The following DUS2 variants were observed in gnomAD, a reference collection of about 807,000 sequenced individuals.
DUS2 encodes the protein tRNA-dihydrouridine(20) synthase [NAD(P)+]-like.
In DUS2, 52 loss-of-function variants were observed where a neutral mutation model predicts 71.3. That is an observed-to-expected ratio of 0.73 (90% confidence interval 0.58 to 0.92). DUS2 has a LOEUF of 0.92. Ranked by LOEUF, DUS2 falls within the 40% of genes least tolerant of loss-of-function variation. DUS2 has a pLI of 0.00. For missense variants in DUS2, 558 were observed against 622.6 expected, an observed-to-expected ratio of 0.90 and a Z score of 1.10; for synonymous variants, 204 against 227.8, an observed-to-expected ratio of 0.90 and a Z score of 0.94.
At chr16:68,061,322 TCCTAAAAAG>T (rs2033937420) in intron 8 of DUS2, among the ~76,000 whole-genome samples, 4 of 152,110 alleles carry the variant, frequency 2.6e-5, no homozygotes. Flanking sequence ...GCCTTGATGT[TCCTAAAAAG>T]CCCAGAGCAA....
At position 68,059,388 on chromosome 16, in the gene DUS2, T is replaced by C. The variant is rs115337200; in HGVS notation, c.370-1678T>C. Among the ~76,000 whole-genome samples, 771 of 152,282 alleles carry C rather than the reference T, an allele frequency of 5.1e-3. 8 individuals are homozygous for C. Among genetic ancestry groups the C allele is most frequent in the African/African-American group, 0.017 (703 of 41,540 alleles). On this transcript the variant is annotated intron_variant, in intron 7 of 16. Transcript: ENST00000565263. ...AAGGAAATTCCATTGTTGAGAAAGC[T>C]ATTATTGTGGAAGGGGCAGTGAAAC...
rs375818386 is a variant in DUS2, at chr16:68,076,738, C to A, written c.1170+19C>A. On this transcript the variant is annotated intron_variant, in intron 15 of 16. Coordinates refer to ENST00000565263, the MANE Select transcript of DUS2 (RefSeq NM_017803.5). Reference sequence around the variant, plus strand: ...TGAAACGGTGAGTTCCTGGCTGTGGCCTGCCCTGCAGCCAGTCACAGCACT... The same window carrying A: ...TGAAACGGTGAGTTCCTGGCTGTGGACTGCCCTGCAGCCAGTCACAGCACT... 1.3e-5 allele frequency: 21 copies of A among 1,602,356 alleles called. No individual in the cohort carries two copies. The highest frequency in any genetic ancestry group is 1.6e-5 in the Non-Finnish European group (19 of 1,169,818).
chr16:68,049,468 G>A (rs192555044), intron 3 of DUS2, 37 bp from the exon 4 acceptor site: 3 of 1,611,838 alleles, frequency 1.9e-6, no homozygotes, highest in Non-Finnish European at 2.5e-6. Flanking sequence ...GAGCCTACAT[G>A]TTCAGGAATG....
Position 68,050,313 on chromosome 16 carries a change from T to A in DUS2, c.172+763T>A, listed in dbSNP as rs2033760830. Among the ~76,000 whole-genome samples the A allele has an allele frequency of 3.9e-5, 6 of 152,210 alleles. No homozygotes were observed. The South Asian group carries it at 1.2e-3, about 32-fold the overall frequency. On this transcript the variant is annotated intron_variant, in intron 4 of 16. Coordinates refer to ENST00000565263, the MANE Select transcript of DUS2 (RefSeq NM_017803.5). ...CCACCACACCCGGCTAATTTTTGTATTTTTAGTAGAGAAGGGGTTTCACCA... is the reference window on the plus strand; with the variant it reads ...CCACCACACCCGGCTAATTTTTGTAATTTTAGTAGAGAAGGGGTTTCACCA...
intron 7 of DUS2, among the ~76,000 whole-genome samples, chr16:68,060,513 C>T (rs2033924393): frequency 6.6e-6 from 1 of 152,082 alleles, no homozygotes; most frequent in Non-Finnish European, 1.5e-5. Flanking sequence ...TGGATTTCAC[C>T]ATGTTAGCCA....
intron 7 of DUS2, among the ~76,000 whole-genome samples, chr16:68,056,834 TTATA>T (rs953426655): frequency 6.2e-5 from 9 of 145,608 alleles, no homozygotes; most frequent in African/African-American, 2.3e-4. Context: ...ATATATAATG[TTATA>T]TATTATATAA....
At chr16:68,054,006 G>T in intron 5 of DUS2, 1 of 217,850 alleles carries the variant, frequency 4.6e-6, no homozygotes, top group Non-Finnish European at 9.2e-6. Context: ...ATTTCTCATA[G>T]AAAAATATTA....
intron 8 of DUS2, among the ~76,000 whole-genome samples, chr16:68,065,770 C>T (rs996765422): frequency 2.6e-5 from 4 of 152,154 alleles, no homozygotes; most frequent in African/African-American, 9.6e-5. Context: ...TAAACCACCA[C>T]ACCCAGTTAG....
intron 8 of DUS2, among the ~76,000 whole-genome samples, chr16:68,066,084 T>G (rs147771648): frequency 1.3e-5 from 2 of 152,346 alleles, no homozygotes; most frequent in African/African-American, 4.8e-5. Flanking sequence ...GACAAATATG[T>G]GTATACCACT....
intron 13 of DUS2, 106 bp from the exon 14 acceptor site, chr16:68,075,249 T>G: frequency 9.1e-7 from 1 of 1,104,428 alleles, no homozygotes; most frequent in Non-Finnish European, 1.2e-6. Context: ...GGTGTTTTGG[T>G]GTATGTGGTA....
At chr16:68,040,159 A>C (rs2033602062) in intron 3 of DUS2, among the ~76,000 whole-genome samples, 1 of 150,242 alleles carries the variant, frequency 6.7e-6, no homozygotes, top group African/African-American at 2.5e-5. Context: ...GTCTTGGCTC[A>C]CTGCAACCTC....
Position 68,038,069 on chromosome 16 carries a change from C to T in DUS2, c.46C>T (p.Leu16=). ...TCTGTGTTACCATAATAAGCTAATC[C>T]TGGCCCCAATGGTTCGGGTAGGGAC... ...LSLCYHNKLI[L]APMVRVGTLP... is the part of the protein sequence containing the mutation. Residue 16 remains leucine, a synonymous_variant, in exon 3 of 17, where the codon CTG becomes TTG. Transcript: ENST00000565263. 1 of 1,613,858 alleles carries T rather than the reference C, an allele frequency of 6.2e-7. No homozygotes were observed.
At chr16:68,041,185 C>T (rs2033620506) in intron 3 of DUS2, among the ~76,000 whole-genome samples, 1 of 152,034 alleles carries the variant, frequency 6.6e-6, no homozygotes, top group Non-Finnish European at 1.5e-5. Context: ...GAGATTGTGC[C>T]ACTGCACTCC....
At chr16:68,053,725 G>A (rs900634631) in intron 5 of DUS2, 70 bp downstream of exon 5, 1 of 1,536,906 alleles carries the variant, frequency 6.5e-7, no homozygotes. Context: ...CTCATGCCCT[G>A]TGCCAGGCCA....
intron 7 of DUS2, 39 bp downstream of exon 7, chr16:68,056,463 G>T (rs577290025): frequency 1.9e-6 from 3 of 1,545,152 alleles, no homozygotes; most frequent in Admixed American, 1.7e-5. Context: ...AACATAGGAT[G>T]CAGATTAAGA....
chr16:68,077,946 T>C, intron 15 of DUS2: 1 of 146,582 alleles, frequency 6.8e-6, no homozygotes, highest in Non-Finnish European at 1.5e-5. Flanking sequence ...CTAACTTCTG[T>C]CTCCTCAAGT....
At chr16:68,035,373 A>G (rs1015528835) in intron 2 of DUS2, among the ~76,000 whole-genome samples, 1 of 151,296 alleles carries the variant, frequency 6.6e-6, no homozygotes, top group Non-Finnish European at 1.5e-5. Flanking sequence ...AACATTGTGT[A>G]TCTGACTCTG....
chr16:68,058,479 G>A (rs1378757979), intron 7 of DUS2, among the ~76,000 whole-genome samples: 1 of 152,046 alleles, frequency 6.6e-6, no homozygotes, highest in Non-Finnish European at 1.5e-5. Flanking sequence ...ACCTGCCTCG[G>A]CCTCCCAAAG....
chr16:68,037,888 C>A, intron 2 of DUS2, 118 bp from the exon 3 acceptor site: 1 of 1,085,540 alleles, frequency 9.2e-7, no homozygotes, highest in East Asian at 2.5e-5. Context: ...AACAACCAAC[C>A]AAAAGAAAAT....
Sources: allele counts gnomAD v4.1 joint callset (sites outside exome capture counted in the v4.1 genomes callset), GRCh38; gene constraint gnomAD v4.1.1; transcripts MANE v1.5; gene names NCBI Gene and HGNC (gene_info 2026-07-23, HGNC 2026-07-21).